BTBD9: variants seen among roughly 807,000 people sequenced by gnomAD.
The protein encoded by BTBD9 is BTB/POZ domain-containing protein 9.
BTBD9 carries 49 observed loss-of-function variants against 64.3 expected under a neutral mutation model. The ratio of observed to expected loss-of-function variants is 0.76; its 90% CI spans 0.61 to 0.97. The LOEUF (loss-of-function observed/expected upper bound fraction) is 0.97. Among genes scored for constraint, BTBD9 ranks in the 50% least tolerant of loss-of-function variants. BTBD9 has a pLI of 0.00. For missense variants in BTBD9, 598 were observed against 762.1 expected (o/e 0.78, Z 2.53); for synonymous variants, 260 against 274.7 (o/e 0.95, Z 0.53).
chr6:38,395,334 G>A (rs894308558), intron 6 of BTBD9, among the ~76,000 whole-genome samples: 1 of 152,136 alleles, frequency 6.6e-6, no homozygotes, highest in African/African-American at 2.4e-5. Flanking sequence ...TACTCAGGAG[G>A]CTGAGGTGGG....
intron 6 of BTBD9, among the ~76,000 whole-genome samples, chr6:38,380,836 C>A (rs920236922): frequency 4.6e-5 from 7 of 152,146 alleles, no homozygotes; most frequent in African/African-American, 1.7e-4. Flanking sequence ...CAGAGCGAGA[C>A]CCTGTCTCTA....
Position 38,209,188 on chromosome 6 carries a change from G to T in BTBD9, c.1563-16591C>A, listed in dbSNP as rs1458070736. ...TTTGGTGGTCTCTCTTACTGCCTGC[G>T]CCTGCCCTGGCCTGCTTTGCTCCCT... On this transcript the variant is annotated intron_variant, in intron 9 of 10. Coordinates refer to ENST00000481247, the MANE Select transcript of BTBD9 (RefSeq NM_001099272.2). Among the ~76,000 whole-genome samples, 5 of 152,146 alleles carry T rather than the reference G, an allele frequency of 3.3e-5. No homozygotes were observed. In the South Asian group the frequency reaches 6.2e-4, roughly 19 times the overall value.
chr6:38,325,595 G>T (rs1214820009), intron 7 of BTBD9, among the ~76,000 whole-genome samples: 1 of 152,228 alleles, frequency 6.6e-6, no homozygotes, highest in African/African-American at 2.4e-5. Flanking sequence ...TGAGGCAGGA[G>T]AATGGCATGA....
At chr6:38,509,351 T>C (rs931006390) in intron 6 of BTBD9, among the ~76,000 whole-genome samples, 1 of 152,248 alleles carries the variant, frequency 6.6e-6, no homozygotes, top group African/African-American at 2.4e-5. Flanking sequence ...AACAATGTTC[T>C]CTTTGCATCA....
chr6:38,267,125 G>A (rs1249061121), intron 8 of BTBD9, among the ~76,000 whole-genome samples: 4 of 152,350 alleles, frequency 2.6e-5, no homozygotes, highest in Admixed American at 1.3e-4. Context: ...CTGCCCAGAC[G>A]ATAGGGCTTA....
At chr6:38,470,885 A>G (rs1403209345) in intron 6 of BTBD9, among the ~76,000 whole-genome samples, 1 of 152,246 alleles carries the variant, frequency 6.6e-6, no homozygotes, top group Non-Finnish European at 1.5e-5. Context: ...GAAGCCTTTA[A>G]AATCACATTT....
intron 9 of BTBD9, among the ~76,000 whole-genome samples, chr6:38,221,700 T>A (rs1172371012): frequency 6.6e-6 from 1 of 152,194 alleles, no homozygotes; most frequent in African/African-American, 2.4e-5. Context: ...GTAAGAGATA[T>A]GATCTCAAAA....
At chr6:38,394,164 C>T (rs1348350025) in intron 6 of BTBD9, among the ~76,000 whole-genome samples, 1 of 152,046 alleles carries the variant, frequency 6.6e-6, no homozygotes, top group Admixed American at 6.6e-5. Flanking sequence ...TAGTCCTTGC[C>T]CTCATGAACT....
At chr6:38,206,116 T>C (rs1288679320) in intron 9 of BTBD9, among the ~76,000 whole-genome samples, 1 of 151,950 alleles carries the variant, frequency 6.6e-6, no homozygotes, top group African/African-American at 2.4e-5. Context: ...TTAACCAGGT[T>C]ACAAGAATTT....
At chr6:38,412,685 C>A (rs958988662) in intron 6 of BTBD9, among the ~76,000 whole-genome samples, 1 of 151,894 alleles carries the variant, frequency 6.6e-6, no homozygotes, top group Non-Finnish European at 1.5e-5. Flanking sequence ...AGGGTAAAAC[C>A]CTAACTCTAC....
chr6:38,263,845 T>C (rs1764876522), intron 8 of BTBD9, among the ~76,000 whole-genome samples: 1 of 152,204 alleles, frequency 6.6e-6, no homozygotes, highest in Non-Finnish European at 1.5e-5. Context: ...TATCTTTACT[T>C]GGTTTCTGTT....
chr6:38,621,394 G>C (rs2127523561), intron 1 of BTBD9, among the ~76,000 whole-genome samples: 2 of 152,302 alleles, frequency 1.3e-5, no homozygotes, highest in East Asian at 3.9e-4. Flanking sequence ...CGCCTGAGAG[G>C]AACTCTTGGA....
At chr6:38,241,021 C>T (rs1156675501) in intron 9 of BTBD9, among the ~76,000 whole-genome samples, 1 of 152,118 alleles carries the variant, frequency 6.6e-6, no homozygotes, top group Non-Finnish European at 1.5e-5. Context: ...TCTGAAGATT[C>T]AGAAATGTGA....
intron 1 of BTBD9, among the ~76,000 whole-genome samples, chr6:38,606,517 T>C (rs1777437628): frequency 6.6e-6 from 1 of 152,156 alleles, no homozygotes; most frequent in Non-Finnish European, 1.5e-5. Context: ...GATTAAATCA[T>C]TTGAAACATA....
At chr6:38,242,430 C>T (rs964594399) in intron 9 of BTBD9, among the ~76,000 whole-genome samples, 1 of 152,192 alleles carries the variant, frequency 6.6e-6, no homozygotes, top group African/African-American at 2.4e-5. Context: ...TAATCCAGGG[C>T]TTGCCATTAG....
chr6:38,231,037 T>C (rs1763588620), intron 9 of BTBD9, among the ~76,000 whole-genome samples: 1 of 152,214 alleles, frequency 6.6e-6, no homozygotes, highest in South Asian at 2.1e-4. Flanking sequence ...ACTTCATAAG[T>C]GCTCAATTAT....
chr6:38,172,520 CCCCT>C lies in BTBD9; in HGVS notation c.*2461_*2464del, dbSNP rs1766834973. ...GAAGGCCCCTCAGGGAAGGGCAGTA[CCCCT>C]CCAGCCTGGGAAAGGAGGTGAACCC... is the stretch of plus-strand genomic sequence containing the variant. On this transcript the variant is annotated 3_prime_UTR_variant, in exon 11 of 11. Transcript: ENST00000481247. 7 of 152,270 alleles carry C rather than the reference CCCCT, an allele frequency of 4.6e-5. No individual in the cohort carries two copies. Among genetic ancestry groups the C allele is most frequent in the African/African-American group, 1.7e-4 (7 of 41,450 alleles). The allele number at this position is 152,270 out of a possible 1,614,324, so 9.4% of individuals were successfully genotyped here. A position where few individuals can be genotyped will look rare whatever the true frequency, so the allele number is the denominator to read the frequency against.
At chr6:38,438,069 T>C (rs796925848) in intron 6 of BTBD9, among the ~76,000 whole-genome samples, 5 of 151,902 alleles carry the variant, frequency 3.3e-5, no homozygotes, top group African/African-American at 1.2e-4. Flanking sequence ...GAGGATATTT[T>C]CACTCACATC....
At chr6:38,292,741 C>G (rs1368820971) in intron 7 of BTBD9, among the ~76,000 whole-genome samples, 1 of 152,070 alleles carries the variant, frequency 6.6e-6, no homozygotes, top group African/African-American at 2.4e-5. Context: ...AGTGGTCTAT[C>G]TATTTTGTCA....
Sources: allele counts gnomAD v4.1 joint callset (sites outside exome capture counted in the v4.1 genomes callset), GRCh38; gene constraint gnomAD v4.1.1; transcripts MANE v1.5; gene names NCBI Gene and HGNC (gene_info 2026-07-23, HGNC 2026-07-21).